The following TMTC1 variants were observed in gnomAD, a reference collection of about 807,000 sequenced individuals.
The protein encoded by TMTC1 is protein O-mannosyl-transferase TMTC1.
A neutral mutation model predicts 104.8 loss-of-function variants in TMTC1; 73 were observed. That is an observed-to-expected ratio of 0.70 (90% CI 0.58 to 0.85). TMTC1 has a LOEUF of 0.85. TMTC1 is among the 40% of genes least tolerant of loss of function. The pLI is 0.00. For missense variants in TMTC1, 1,035 were observed against 1,096.1 expected, an observed-to-expected ratio of 0.94 and a Z score of 0.79; for synonymous variants, 434 against 428.7, an observed-to-expected ratio of 1.01 and a Z score of -0.15.
At chr12:29,677,407 C>T (rs568712248) in intron 5 of TMTC1, among the ~76,000 whole-genome samples, 5 of 152,224 alleles carry the variant, frequency 3.3e-5, no homozygotes, top group South Asian at 4.1e-4. Context: ...TGCATAGAAG[C>T]ACAAGCAACC....
chr12:29,643,599 ATATAT>A (rs1191185758), intron 5 of TMTC1, among the ~76,000 whole-genome samples: 3 of 60,756 alleles, frequency 4.9e-5, no homozygotes, highest in East Asian at 4.1e-4. Flanking sequence ...AATATATATT[ATATAT>A]TATATATAAT....
At chr12:29,606,976 C>CT (rs1001057703) in intron 6 of TMTC1, among the ~76,000 whole-genome samples, 4 of 58,666 alleles carry the variant, frequency 6.8e-5, no homozygotes, top group African/African-American at 2.1e-4. Flanking sequence ...CCTTCCTGCC[C>CT]CCCCCCCTCA....
rs150603064 is a variant in TMTC1, at chr12:29,551,109, T to C, written c.1676+5748A>G. Among the ~76,000 whole-genome samples the C allele has an allele frequency of 2.0e-4, 31 of 152,150 alleles. No individual in the cohort carries two copies. In the East Asian group the frequency reaches 3.1e-3, roughly 15 times the overall value. ...TACCACAGGGGTGCAGAGTGGGGGATAGAATTTCATGCTAAGAGGAGGATG... is the reference window on the plus strand; with the variant it reads ...TACCACAGGGGTGCAGAGTGGGGGACAGAATTTCATGCTAAGAGGAGGATG... On this transcript the variant is annotated intron_variant, in intron 10 of 17. Transcript: ENST00000539277.
In TMTC1 at chr12:29,504,750, A is replaced by G. The variant is rs923782311; in HGVS notation, c.*2096T>C. On this transcript the variant is annotated 3_prime_UTR_variant, in exon 18 of 18. Transcript: ENST00000539277. Reference sequence around the variant, plus strand: ...ACAAATGTACTCTCCTACCTTTATTAGCACTTCAAGTAAGGCGTAATCACT... The same window carrying G: ...ACAAATGTACTCTCCTACCTTTATTGGCACTTCAAGTAAGGCGTAATCACT... The G allele has an allele frequency of 6.6e-6, 1 of 152,224 alleles. No individual in the cohort carries two copies. The highest frequency in any genetic ancestry group is 2.4e-5 in the African/African-American group (1 of 41,450). The allele number at this position is 152,224 out of a possible 1,614,324, so 9.4% of individuals were successfully genotyped here.
At chr12:29,575,476 G>A (rs923576163) in intron 8 of TMTC1, among the ~76,000 whole-genome samples, 3 of 151,574 alleles carry the variant, frequency 2.0e-5, no homozygotes, top group East Asian at 1.9e-4. Context: ...TTATATGGGC[G>A]CCACCCCTAC....
chr12:29,663,302 GA>G (rs1286972807), intron 5 of TMTC1, among the ~76,000 whole-genome samples: 1 of 152,170 alleles, frequency 6.6e-6, no homozygotes, highest in African/African-American at 2.4e-5. Flanking sequence ...AAGGCAAAGA[GA>G]ATGACACAGT....
chr12:29,538,534 G>GA (rs11388932), intron 10 of TMTC1, among the ~76,000 whole-genome samples: 90,074 of 150,840 alleles, frequency 0.6, 27,880 homozygotes, highest in Non-Finnish European at 0.68. Context: ...AATCAGGAGA[G>GA]AAAAAAAAAC....
Position 29,506,920 on chromosome 12 carries a change from G to A in TMTC1, c.2575C>T (p.Leu859=). 5.6e-6 allele frequency: 9 copies of A among 1,614,030 alleles called. No homozygotes were observed. Among genetic ancestry groups the A allele is most frequent in the Non-Finnish European group, 7.6e-6 (9 of 1,179,946 alleles). ...TCCAATTTGGCAAGATTTTCCTTCA[G>A]CAGTTTGCTGTCTGGAACCAGCTGT... ...ALQLVPDSKL[L]KENLAKLDRL... Residue 859 remains leucine (L), a synonymous_variant, in exon 18 of 18, where the codon CTG becomes TTG. Transcript: ENST00000539277.
At chr12:29,636,590 C>T (rs535186534) in intron 5 of TMTC1, among the ~76,000 whole-genome samples, 4 of 151,796 alleles carry the variant, frequency 2.6e-5, no homozygotes, top group Non-Finnish European at 4.4e-5. Context: ...GAGGCCGAGG[C>T]GGGCGGATCA....
intron 5 of TMTC1, among the ~76,000 whole-genome samples, chr12:29,685,930 TAAAAAAAAAA>T (rs74950953): frequency 7.7e-6 from 1 of 129,188 alleles, no homozygotes; most frequent in Non-Finnish European, 1.7e-5. Context: ...GCAAGATTGT[TAAAAAAAAAA>T]AAAAAAAAAG....
intron 3 of TMTC1, 105 bp from the exon 4 acceptor site, chr12:29,755,990 A>T: frequency 8.4e-7 from 1 of 1,185,782 alleles, no homozygotes; most frequent in South Asian, 1.6e-5. Flanking sequence ...TTGCATTCTA[A>T]GTAATTAAGC....
rs771744376 is a variant in TMTC1 at position 29,783,543 on chromosome 12, C to T, written c.209G>A (p.Arg70His). ...GAAGTCGTTGGTGAAGATGCCCCAG[C>T]GGAGCGGGGCGCCGGGCCGCACGTC... ...NPDVRPGAPL[R>H]WGIFTNDFWG... Residue 70 changes from arginine to histidine, a missense_variant, in exon 1 of 18, where the codon CGC becomes CAC. Coordinates refer to ENST00000539277, the MANE Select transcript of TMTC1 (RefSeq NM_001193451.2). The surrounding 1 kb of genome is among the most constrained non-coding windows in gnomAD (Gnocchi z 4.7). 1 of 1,470,554 alleles carries T rather than the reference C, an allele frequency of 6.8e-7. No individual in the cohort carries two copies. The highest frequency in any genetic ancestry group is 1.4e-5 in the African/African-American group (1 of 69,526). The allele number at this position is 1,470,554 out of a possible 1,614,324, so 91.1% of individuals were successfully genotyped here.
Position 29,583,775 on chromosome 12 carries a change from A to G in TMTC1, c.1251-201T>C, listed in dbSNP as rs139509508. ...CAGGTTTGCTATTTCTTGTAGAAAT[A>G]TTTCTTGCTATTTCTTCAGTGTAGG... is the stretch of plus-strand genomic sequence containing the variant. On this transcript the variant is annotated intron_variant, in intron 7 of 17. Transcript: ENST00000539277. 6.3e-3 allele frequency among the ~76,000 whole-genome samples: 958 copies of G among 152,292 alleles called. 7 individuals carry two copies. Among genetic ancestry groups the G allele is most frequent in the Non-Finnish European group, 0.01 (709 of 68,010 alleles).
intron 5 of TMTC1, among the ~76,000 whole-genome samples, chr12:29,704,015 CTG>C (rs1941673684): frequency 6.6e-6 from 1 of 152,124 alleles, no homozygotes; most frequent in East Asian, 1.9e-4. Context: ...CCATGTGAAA[CTG>C]TGAGTCCATT....
rs374601197 is a variant in TMTC1 at position 29,536,278 on chromosome 12, C to T, written c.1716G>A (p.Lys572=). ...ACTCTGGACCATATTTGATGGAATC[C>T]TTCAGTAAGGTGATAGCTTCTTCCT... ...EKKEEAITLL[K]DSIKYGPEFA... Residue 572 remains lysine, a synonymous_variant, in exon 11 of 18, where the codon AAG becomes AAA. Transcript: ENST00000539277. 6.2e-7 allele frequency: 1 copy of T among 1,612,710 alleles called. No individual in the cohort carries two copies.
At chr12:29,543,440 G>C (rs12426420) in intron 10 of TMTC1, among the ~76,000 whole-genome samples, 1 of 152,160 alleles carries the variant, frequency 6.6e-6, no homozygotes, top group Non-Finnish European at 1.5e-5. Context: ...GGAGAACGTA[G>C]GAAATGCCAG....
At chr12:29,694,478 G>A (rs1376052166) in intron 5 of TMTC1, among the ~76,000 whole-genome samples, 2 of 152,012 alleles carry the variant, frequency 1.3e-5, no homozygotes, top group East Asian at 1.9e-4. Flanking sequence ...CAATGTAAAT[G>A]CTATGCAAAT....
intron 10 of TMTC1, among the ~76,000 whole-genome samples, chr12:29,550,067 C>G (rs1387943521): frequency 1.3e-5 from 2 of 151,324 alleles, no homozygotes; most frequent in Admixed American, 1.3e-4. Flanking sequence ...TCCTATGTAA[C>G]AAATCTTATT....
At chr12:29,634,159 T>A (rs1424255462) in intron 5 of TMTC1, among the ~76,000 whole-genome samples, 2 of 152,158 alleles carry the variant, frequency 1.3e-5, no homozygotes, top group Non-Finnish European at 2.9e-5. Context: ...GTCAGGAGAA[T>A]TTATTATTTG....
Sources: allele counts gnomAD v4.1 joint callset (sites outside exome capture counted in the v4.1 genomes callset), GRCh38; gene constraint gnomAD v4.1.1; non-coding constraint Gnocchi (gnomAD v3.1); transcripts MANE v1.5; gene names NCBI Gene and HGNC (gene_info 2026-07-23, HGNC 2026-07-21).